NBEAL1: variants seen among roughly 807,000 people sequenced by gnomAD.
NBEAL1 encodes the protein neurobeachin-like protein 1.
NBEAL1 carries 273 observed loss-of-function variants against 351.3 expected under a neutral mutation model. The observed-to-expected ratio is 0.78, with a 90% CI of 0.70 to 0.86. The LOEUF (loss-of-function observed/expected upper bound fraction) is 0.86, where lower values mean the gene tolerates loss of function less well. Among genes scored for constraint, NBEAL1 ranks in the 40% least tolerant of loss-of-function variants. NBEAL1 has a pLI of 0.00. For missense variants in NBEAL1, 2,961 were observed against 3,201.3 expected (o/e 0.92, Z 1.81); for synonymous variants, 1,050 against 1,086.4 (o/e 0.97, Z 0.66).
At chr2:203,019,744 A>G (rs1039706061) in intron 2 of NBEAL1, among the ~76,000 whole-genome samples, 3 of 152,218 alleles carry the variant, frequency 2.0e-5, no homozygotes, top group African/African-American at 7.2e-5. Flanking sequence ...CAGTAGGTCT[A>G]GTAGTAGTAC....
At chr2:203,153,431 G>T (rs1035462088) in intron 35 of NBEAL1, among the ~76,000 whole-genome samples, 1 of 151,592 alleles carries the variant, frequency 6.6e-6, no homozygotes, top group South Asian at 2.1e-4. Context: ...GACTTGAGCC[G>T]GCATGGCTGG....
At chr2:203,059,649 C>T (rs2061463094) in intron 6 of NBEAL1, among the ~76,000 whole-genome samples, 1 of 152,186 alleles carries the variant, frequency 6.6e-6, no homozygotes, top group South Asian at 2.1e-4. Flanking sequence ...GTGACTAGAA[C>T]GGGTAGAAAT....
rs199945717 is a variant in NBEAL1, at chr2:203,110,243, G to A, written c.2043G>A (p.Thr681=). 2.0e-4 allele frequency: 316 copies of A among 1,552,662 alleles called. 1 individual carries two copies. Among genetic ancestry groups the A allele is most frequent in the East Asian group, 5.1e-4 (21 of 41,264 alleles). The change falls in exon 15 of 56, where the codon ACG becomes ACA. Residue 681 remains threonine, a synonymous_variant. Coordinates refer to ENST00000683969, the MANE Select transcript of NBEAL1 (RefSeq NM_001378026.1). The part of the protein sequence containing the change: ...VAVCTKREYA[T]VMLPDHSFCD... Reference sequence around the variant, plus strand: ...TGTGCACAAAAAGAGAATATGCAACGGTTATGCTTCCTGACCACAGTTTCT... The same window carrying A: ...TGTGCACAAAAAGAGAATATGCAACAGTTATGCTTCCTGACCACAGTTTCT...
rs552792631 is a variant in NBEAL1 at position 203,043,860 on chromosome 2, ATC to A, written c.143+2005_143+2006del. On this transcript the variant is annotated intron_variant, in intron 3 of 55. Coordinates refer to ENST00000683969, the MANE Select transcript of NBEAL1 (RefSeq NM_001378026.1). ...TGCATTTTGGGGATAGAGGTAGGCA[ATC>A]AGAAGTAGTAAAGGAGAATTGAGTC... 6.8e-4 allele frequency among the ~76,000 whole-genome samples: 104 copies of A among 152,314 alleles called. 1 individual carries two copies. Among genetic ancestry groups the A allele is most frequent in the East Asian group, 6.7e-3 (35 of 5,190 alleles).
chr2:203,154,755 T>C (rs1396544501), intron 35 of NBEAL1, among the ~76,000 whole-genome samples: 1 of 151,972 alleles, frequency 6.6e-6, no homozygotes, highest in Admixed American at 6.6e-5. Flanking sequence ...GTTTGTAGTA[T>C]GGGCAACATA....
intron 2 of NBEAL1, among the ~76,000 whole-genome samples, chr2:203,019,200 G>C (rs1160010360): frequency 6.6e-6 from 1 of 152,122 alleles, no homozygotes; most frequent in African/African-American, 2.4e-5. Flanking sequence ...ATTGATTTGG[G>C]TTGTTTTGGG....
chr2:203,106,080 A>T (rs533725332), intron 12 of NBEAL1, among the ~76,000 whole-genome samples: 7 of 152,222 alleles, frequency 4.6e-5, no homozygotes, highest in Admixed American at 4.6e-4. Context: ...GTCTCTTCTC[A>T]TTCACTGCCA....
intron 39 of NBEAL1, among the ~76,000 whole-genome samples, chr2:203,170,133 G>A (rs2064273517): frequency 6.6e-6 from 1 of 152,158 alleles, no homozygotes; most frequent in Non-Finnish European, 1.5e-5. Context: ...CAATTTGGGA[G>A]GCTGAGGCAG....
intron 46 of NBEAL1, chr2:203,190,609 C>G: frequency 1.3e-6 from 1 of 761,030 alleles, no homozygotes; most frequent in Non-Finnish European, 2.1e-6. Flanking sequence ...ACTCATTCCA[C>G]ATGTAAAACT....
chr2:203,025,639 C>A (rs1378485162), intron 2 of NBEAL1, among the ~76,000 whole-genome samples: 1 of 152,184 alleles, frequency 6.6e-6, no homozygotes, highest in Non-Finnish European at 1.5e-5. Context: ...CCAAAACTCT[C>A]ATCCAATCAT....
At chr2:203,071,451 A>C (rs1166383915) in intron 7 of NBEAL1, among the ~76,000 whole-genome samples, 1 of 152,196 alleles carries the variant, frequency 6.6e-6, no homozygotes, top group Non-Finnish European at 1.5e-5. Context: ...CCCTGTCTGC[A>C]ATACAGTCAT....
intron 10 of NBEAL1, among the ~76,000 whole-genome samples, chr2:203,086,578 A>C (rs1421496186): frequency 6.6e-6 from 1 of 152,178 alleles, no homozygotes; most frequent in Non-Finnish European, 1.5e-5. Context: ...TAAATCACCC[A>C]GGCTGGAGTG....
intron 24 of NBEAL1, among the ~76,000 whole-genome samples, chr2:203,128,621 CA>C (rs1045689753): frequency 3.8e-4 from 45 of 119,754 alleles, no homozygotes; most frequent in African/African-American, 1.3e-3. Flanking sequence ...TTTTTTGAGA[CA>C]GAGTCTTGTT....
rs2106311969 is a variant in NBEAL1, at chr2:203,135,831, A to C, written c.3968A>C (p.Asn1323Thr). Reference sequence around the variant, plus strand: ...AGTAGAGCTGTTTTAATGAAAGACAATGATAAAAATATGTCAACTGAAGAT... The same window carrying C: ...AGTAGAGCTGTTTTAATGAAAGACACTGATAAAAATATGTCAACTGAAGAT... ...KHSRAVLMKD[N>T]DKNMSTEDTK... is the part of the protein sequence containing the mutation. Residue 1323 changes from asparagine to threonine, a missense_variant, in exon 28 of 56, where the codon AAT becomes ACT. By Grantham distance (65) the Asn-to-Thr change is moderately conservative (BLOSUM62 0). Coordinates refer to ENST00000683969, the MANE Select transcript of NBEAL1 (RefSeq NM_001378026.1). The C allele has an allele frequency of 6.2e-7, 1 of 1,613,954 alleles. No homozygotes were observed. The highest frequency in any genetic ancestry group is 2.2e-5 in the East Asian group (1 of 44,852).
At chr2:203,196,151 A>G (rs1559056389) in intron 47 of NBEAL1, among the ~76,000 whole-genome samples, 3 of 152,222 alleles carry the variant, frequency 2.0e-5, no homozygotes, top group Admixed American at 6.5e-5. Context: ...TTTCTTCTAT[A>G]ATGCCAATAG....
chr2:203,047,953 G>A (rs1291238607), intron 3 of NBEAL1, among the ~76,000 whole-genome samples: 1 of 151,740 alleles, frequency 6.6e-6, no homozygotes, highest in Admixed American at 6.6e-5. Flanking sequence ...ATGTTGCCCA[G>A]CCAATTTTCT....
intron 18 of NBEAL1, among the ~76,000 whole-genome samples, chr2:203,117,497 A>G (rs1404397200): frequency 6.6e-6 from 1 of 152,168 alleles, no homozygotes; most frequent in East Asian, 1.9e-4. Context: ...ACAAAACCAA[A>G]ACATTTTCTG....
chr2:203,064,778 C>G (rs1285920941), intron 6 of NBEAL1, among the ~76,000 whole-genome samples: 2 of 152,112 alleles, frequency 1.3e-5, no homozygotes, highest in Non-Finnish European at 2.9e-5. Flanking sequence ...GGAAATGCTA[C>G]AAAGGATGTT....
chr2:203,206,418 C>T (rs1172495118), intron 51 of NBEAL1, among the ~76,000 whole-genome samples: 1 of 152,120 alleles, frequency 6.6e-6, no homozygotes, highest in Non-Finnish European at 1.5e-5. Flanking sequence ...CCCTTTCCCT[C>T]TCCCTCTCTC....
Sources: gnomAD v4.1 joint callset for allele counts (sites outside exome capture counted in the v4.1 genomes callset) on GRCh38, gnomAD v4.1.1 for gene constraint, MANE v1.5 for transcripts, NCBI Gene and HGNC (gene_info 2026-07-23, HGNC 2026-07-21) for gene names.